The following SPECC1 variants were observed in gnomAD, a reference collection of about 807,000 sequenced individuals.
The protein encoded by SPECC1 is sperm antigen with calponin homology and coiled-coil domains 1, also known as cytospin-B.
Under a neutral mutation model 104.1 loss-of-function variants are expected in SPECC1, and 62 were observed. That is an observed-to-expected ratio of 0.60 (90% CI 0.49 to 0.74). SPECC1 has a LOEUF of 0.74. Among genes scored for constraint, SPECC1 ranks in the 30% least tolerant of loss-of-function variants. The probability of loss-of-function intolerance (pLI) is 0.00; values close to 1 mark genes in which losing one functional copy is unlikely to be tolerated. For missense variants in SPECC1, 1,306 were observed against 1,310.5 expected (o/e 1.00, Z 0.05); for synonymous variants, 513 against 501.6 (o/e 1.02, Z -0.30).
chr17:20,197,346 T>C (rs2036102477), intron 3 of SPECC1, among the ~76,000 whole-genome samples: 1 of 152,132 alleles, frequency 6.6e-6, no homozygotes, highest in Non-Finnish European at 1.5e-5. Flanking sequence ...ACCTCCAAGG[T>C]GCTTAGAGAA....
rs191937059 is a variant in SPECC1 at position 20,175,176 on chromosome 17, G to A, written c.284-29157G>A. Among the ~76,000 whole-genome samples the A allele has an allele frequency of 2.0e-5, 3 of 152,282 alleles. No individual in the cohort carries two copies. In the East Asian group the frequency reaches 5.8e-4, roughly 29 times the overall value. ...GACCTTCAGCCTGCAGCCCCCAGAGGGGATGTAGTCATGCCAAAGCTCCTG... is the reference window on the plus strand; with the variant it reads ...GACCTTCAGCCTGCAGCCCCCAGAGAGGATGTAGTCATGCCAAAGCTCCTG... On this transcript the variant is annotated intron_variant, in intron 3 of 14. Transcript: ENST00000395527.
chr17:20,078,537 T>C (rs1160287558), intron 1 of SPECC1, among the ~76,000 whole-genome samples: 1 of 152,118 alleles, frequency 6.6e-6, no homozygotes, highest in African/African-American at 2.4e-5. Context: ...TGTTCCAGCA[T>C]AGAGAGAATC....
intron 12 of SPECC1, among the ~76,000 whole-genome samples, chr17:20,292,756 A>G (rs569139865): frequency 3.5e-4 from 53 of 152,354 alleles, no homozygotes; most frequent in Non-Finnish European, 6.8e-4. Context: ...GGGCCCTCCC[A>G]ACAAAAGGCA....
At chr17:20,294,584 G>A (rs1418123138) in intron 12 of SPECC1, among the ~76,000 whole-genome samples, 1 of 151,946 alleles carries the variant, frequency 6.6e-6, no homozygotes, top group East Asian at 1.9e-4. Flanking sequence ...TGGTAGTGAT[G>A]ACGGTGGTGG....
At chr17:20,223,180 CT>C (rs1183557193) in intron 4 of SPECC1, among the ~76,000 whole-genome samples, 1 of 151,808 alleles carries the variant, frequency 6.6e-6, no homozygotes, top group African/African-American at 2.4e-5. Context: ...TAGATTTGCG[CT>C]TTTTTTAGAC....
At chr17:20,275,629 G>A (rs2040551488) in intron 12 of SPECC1, among the ~76,000 whole-genome samples, 1 of 152,204 alleles carries the variant, frequency 6.6e-6, no homozygotes, top group Admixed American at 6.5e-5. Context: ...AAGTATAAGA[G>A]TGAAGACTTA....
intron 4 of SPECC1, among the ~76,000 whole-genome samples, chr17:20,219,460 G>A (rs1038205783): frequency 6.6e-6 from 1 of 152,048 alleles, no homozygotes; most frequent in Non-Finnish European, 1.5e-5. Context: ...GTTTCTGTTT[G>A]CCATTTGTAT....
intron 5 of SPECC1, among the ~76,000 whole-genome samples, chr17:20,230,373 C>T (rs1362844197): frequency 6.6e-6 from 1 of 152,232 alleles, no homozygotes; most frequent in Non-Finnish European, 1.5e-5. Flanking sequence ...TGTAGTAGAA[C>T]TGCAGAACCT....
intron 1 of SPECC1, among the ~76,000 whole-genome samples, chr17:20,080,898 G>A (rs1030256604): frequency 6.6e-6 from 1 of 152,006 alleles, no homozygotes; most frequent in African/African-American, 2.4e-5. Context: ...TGGTCACTGG[G>A]GCCCTCCTGT....
intron 3 of SPECC1, among the ~76,000 whole-genome samples, chr17:20,168,158 A>G (rs898766944): frequency 2.0e-5 from 3 of 152,248 alleles, no homozygotes; most frequent in African/African-American, 7.2e-5. Flanking sequence ...AAAGCTTTTC[A>G]AAGATGGTAT....
chr17:20,183,392 C>G (rs957549778), intron 3 of SPECC1, among the ~76,000 whole-genome samples: 3 of 152,142 alleles, frequency 2.0e-5, no homozygotes, highest in Non-Finnish European at 2.9e-5. Flanking sequence ...ACATACTTAA[C>G]GTTGCAAATG....
chr17:20,235,247 C>T (rs2038840584), intron 7 of SPECC1, among the ~76,000 whole-genome samples: 2 of 152,216 alleles, frequency 1.3e-5, no homozygotes, highest in African/African-American at 4.8e-5. Context: ...ATCTCCATAT[C>T]TTAGTTGTGG....
At chr17:20,274,914 G>GATTTAATAATATTATTAAATA (rs2040527397) in intron 12 of SPECC1, among the ~76,000 whole-genome samples, 1 of 151,162 alleles carries the variant, frequency 6.6e-6, no homozygotes, top group African/African-American at 2.4e-5. Context: ...ACAGAAATAA[G>GATTTAATAATATTATTAAATA]ATTTAATAAT....
intron 4 of SPECC1, among the ~76,000 whole-genome samples, chr17:20,225,234 G>T (rs1318624251): frequency 6.6e-6 from 1 of 152,188 alleles, no homozygotes; most frequent in Non-Finnish European, 1.5e-5. Flanking sequence ...GGGGTTGGGG[G>T]AAGAGTGGTG....
chr17:20,110,595 C>G, intron 3 of SPECC1, 33 bp downstream of exon 3: 1 of 1,592,092 alleles, frequency 6.3e-7, no homozygotes, highest in Non-Finnish European at 8.6e-7. Flanking sequence ...GCTCGGCAGG[C>G]CATCAGTCCT....
chr17:20,189,140 C>T (rs1384772138), intron 3 of SPECC1, among the ~76,000 whole-genome samples: 1 of 152,166 alleles, frequency 6.6e-6, no homozygotes, highest in African/African-American at 2.4e-5. Flanking sequence ...GAAAGTAAGG[C>T]TGCACGTGAA....
At chr17:20,138,195 C>G (rs868588321) in intron 3 of SPECC1, among the ~76,000 whole-genome samples, 8 of 152,192 alleles carry the variant, frequency 5.3e-5, no homozygotes, top group South Asian at 2.1e-4. Flanking sequence ...AACTCATGTT[C>G]AATCAATGTT....
chr17:20,050,773 G>C (rs1346685332), intron 1 of SPECC1, among the ~76,000 whole-genome samples: 1 of 152,118 alleles, frequency 6.6e-6, no homozygotes, highest in Non-Finnish European at 1.5e-5. Context: ...ACATGAACTG[G>C]CCCAACTTAG....
intron 1 of SPECC1, among the ~76,000 whole-genome samples, chr17:20,019,483 G>A (rs1267634922): frequency 6.6e-6 from 1 of 152,070 alleles, no homozygotes; most frequent in Non-Finnish European, 1.5e-5. Flanking sequence ...AGCATGGCAC[G>A]TGCTCAGCAG....
Sources: gnomAD v4.1 joint callset for allele counts (sites outside exome capture counted in the v4.1 genomes callset) on GRCh38, gnomAD v4.1.1 for gene constraint, MANE v1.5 for transcripts, NCBI Gene and HGNC (gene_info 2026-07-23, HGNC 2026-07-21) for gene names.